The following FGF18 variants were observed in gnomAD, a reference collection of about 807,000 sequenced individuals.
FGF18 encodes fibroblast growth factor 18.
A neutral mutation model predicts 23.0 loss-of-function variants in FGF18; 5 were observed. The observed-to-expected ratio is 0.22, with a 90% CI of 0.11 to 0.46. FGF18 has a LOEUF of 0.46. FGF18 is among the 20% of genes least tolerant of loss of function. The pLI, the probability that FGF18 is intolerant of heterozygous loss-of-function variation, is 0.99. For missense variants in FGF18, 180 were observed against 291.6 expected, an observed-to-expected ratio of 0.62 and a Z score of 2.79; for synonymous variants, 117 against 118.9, an observed-to-expected ratio of 0.98 and a Z score of 0.10.
At chr5:171,452,193 G>A (rs543826246) in intron 4 of FGF18, among the ~76,000 whole-genome samples, 159 of 152,238 alleles carry the variant, frequency 1.0e-3, no homozygotes, top group Non-Finnish European at 2.1e-3. Flanking sequence ...CTGTAAAATG[G>A]GAATGATAAT....
intron 4 of FGF18, among the ~76,000 whole-genome samples, chr5:171,454,274 G>C (rs999993779): frequency 4.6e-5 from 7 of 152,170 alleles, no homozygotes; most frequent in African/African-American, 1.4e-4. Context: ...GCAGTGGCAG[G>C]TATTCTAGGA....
At chr5:171,443,500 C>CCTTTT (rs766926286) in intron 3 of FGF18, among the ~76,000 whole-genome samples, 3 of 70,414 alleles carry the variant, frequency 4.3e-5, no homozygotes, top group Non-Finnish European at 8.8e-5. Context: ...CTGTTATCAT[C>CCTTTT]ATTTTTTTTT....
intron 1 of FGF18, 81 bp downstream of exon 1, chr5:171,420,312 C>A: frequency 6.2e-7 from 1 of 1,607,134 alleles, no homozygotes; most frequent in Non-Finnish European, 8.5e-7. Flanking sequence ...GTCTGCCCGC[C>A]CGTCGGTTCA....
intron 3 of FGF18, among the ~76,000 whole-genome samples, chr5:171,444,440 T>C (rs937597406): frequency 6.6e-6 from 1 of 152,170 alleles, no homozygotes; most frequent in African/African-American, 2.4e-5. Context: ...TTAAATGAGA[T>C]AATGCATGTA....
At position 171,421,586 on chromosome 5, in the gene FGF18, C is replaced by T. The variant is rs1361850014; in HGVS notation, c.69+1143C>T. 2.6e-5 allele frequency among the ~76,000 whole-genome samples: 4 copies of T among 152,184 alleles called. No homozygotes were observed. In the South Asian group the frequency reaches 8.3e-4, roughly 31 times the overall value. ...TGGTGGTTCTCCCGGTTTTCTGGCT[C>T]AAGGAGTGTTGTGTGCCTTGAGCAC... On this transcript the variant is annotated intron_variant, in intron 2 of 4. Transcript: ENST00000274625.
intron 2 of FGF18, among the ~76,000 whole-genome samples, chr5:171,421,331 G>A (rs1459789545): frequency 2.0e-5 from 3 of 152,196 alleles, no homozygotes; most frequent in Non-Finnish European, 2.9e-5. Context: ...GCATGGTGGG[G>A]GTCGGGGGGC....
At position 171,443,500 on chromosome 5, in the gene FGF18, CA is replaced by C. The variant is rs370810592; in HGVS notation, c.251-5646del. Among the ~76,000 whole-genome samples, 87 of 70,452 alleles carry C rather than the reference CA, an allele frequency of 1.2e-3. 2 individuals are homozygous for C. The highest frequency in any genetic ancestry group is 3.5e-3 in the South Asian group (6 of 1,724). The allele number at this position is 70,452 out of a possible 152,430, so 46.2% of individuals were successfully genotyped here. On this transcript the variant is annotated intron_variant, in intron 3 of 4. Transcript: ENST00000274625. ...TCAGATAAGTATTCACTGTTATCAT[CA>C]TTTTTTTTTTTTTTTTTTTTTTTTT...
chr5:171,421,248 G>C (rs889879202), intron 2 of FGF18, among the ~76,000 whole-genome samples: 10 of 152,194 alleles, frequency 6.6e-5, no homozygotes, highest in Admixed American at 5.9e-4. Context: ...AAAAGGGTTG[G>C]GGGGAGGGAG....
chr5:171,440,895 C>CT lies in FGF18; in HGVS notation c.250+4623dup, dbSNP rs892021935. Reference sequence around the variant, plus strand: ...GCGGTGGAACCATCTGTTGACGTGGCTGGTGCCCCTGCGAGAGTGTGAGCT... The same window carrying CT: ...GCGGTGGAACCATCTGTTGACGTGGCTTGGTGCCCCTGCGAGAGTGTGAGCT... On this transcript the variant is annotated intron_variant, in intron 3 of 4. Transcript: ENST00000274625. This position sits in a 1 kb window ranked among gnomAD's most constrained non-coding sequence, Gnocchi z 4.0. 2.6e-5 allele frequency among the ~76,000 whole-genome samples: 4 copies of CT among 152,336 alleles called. No individual in the cohort carries two copies. The highest frequency in any genetic ancestry group is 4.4e-5 in the Non-Finnish European group (3 of 68,028).
rs11948035 is a variant in FGF18, at chr5:171,433,413, C to T, written c.70-2680C>T. On this transcript the variant is annotated intron_variant, in intron 2 of 4. Coordinates refer to ENST00000274625, the MANE Select transcript of FGF18 (RefSeq NM_003862.3). ...GGAGAGTAGAAGGACAGGGAGGGGA[C>T]GCCAGAGGCCTGCCCTTGGGGGAGG... Among the ~76,000 whole-genome samples, 744 of 152,134 alleles carry T rather than the reference C, an allele frequency of 4.9e-3. 6 individuals are homozygous for T. Among genetic ancestry groups the T allele is most frequent in the African/African-American group, 0.017 (686 of 41,492 alleles).
intron 2 of FGF18, among the ~76,000 whole-genome samples, chr5:171,433,073 A>G (rs1229320310): frequency 2.0e-5 from 3 of 152,142 alleles, no homozygotes; most frequent in Non-Finnish European, 4.4e-5. Context: ...CTGCCTTTCC[A>G]GGAGAACAGA....
At position 171,456,390 on chromosome 5, in the gene FGF18, A is replaced by T; in HGVS notation, c.358-149A>T. The T allele has an allele frequency of 5.5e-6, 4 of 729,234 alleles. No individual in the cohort carries two copies. The highest frequency in any genetic ancestry group is 6.7e-6 in the Non-Finnish European group (3 of 448,580). The allele number at this position is 729,234 out of a possible 1,614,324, so 45.2% of individuals were successfully genotyped here. Reference sequence around the variant, plus strand: ...ACCTGCCTGTGCCATATTCAGAGTTAAGCTCAATCTCTCTCCCCCACTGCA... The same window carrying T: ...ACCTGCCTGTGCCATATTCAGAGTTTAGCTCAATCTCTCTCCCCCACTGCA... On this transcript the variant is annotated intron_variant, in intron 4 of 4. Transcript: ENST00000274625. This position sits in a 1 kb window ranked among gnomAD's most constrained non-coding sequence, Gnocchi z 6.1.
At chr5:171,425,472 C>G (rs530644056) in intron 2 of FGF18, among the ~76,000 whole-genome samples, 10 of 150,510 alleles carry the variant, frequency 6.6e-5, no homozygotes, top group African/African-American at 1.7e-4. Context: ...CCACCCGCCT[C>G]GGACTCCCAA....
intron 2 of FGF18, among the ~76,000 whole-genome samples, chr5:171,427,840 C>T (rs1427587710): frequency 2.0e-5 from 3 of 152,182 alleles, no homozygotes; most frequent in African/African-American, 4.8e-5. Context: ...AATCGCATAG[C>T]GCTTGGCCAC....
At chr5:171,425,233 T>C (rs1772072633) in intron 2 of FGF18, among the ~76,000 whole-genome samples, 1 of 152,242 alleles carries the variant, frequency 6.6e-6, no homozygotes, top group South Asian at 2.1e-4. Flanking sequence ...ACTCACTACA[T>C]GCCAAGTGCT....
At chr5:171,432,650 G>C (rs1464660180) in intron 2 of FGF18, among the ~76,000 whole-genome samples, 2 of 152,138 alleles carry the variant, frequency 1.3e-5, no homozygotes, top group African/African-American at 4.8e-5. Flanking sequence ...AGCTGGTCTT[G>C]AACTCCTGGC....
chr5:171,449,400 TGAGAGAGA>T (rs112415649), intron 4 of FGF18, 147 bp downstream of exon 4: 90 of 363,202 alleles, frequency 2.5e-4, no homozygotes, highest in African/African-American at 3.6e-4. Context: ...TGTGTGTGTG[TGAGAGAGA>T]GAGAGAGAGA....
chr5:171,438,560 C>T (rs375005099), intron 3 of FGF18, among the ~76,000 whole-genome samples: 14 of 152,162 alleles, frequency 9.2e-5, no homozygotes, highest in Non-Finnish European at 1.9e-4. Flanking sequence ...GGGGACTAGG[C>T]CTTCTTGGCT....
chr5:171,431,111 G>A (rs1468811524), intron 2 of FGF18, among the ~76,000 whole-genome samples: 1 of 152,160 alleles, frequency 6.6e-6, no homozygotes, highest in Non-Finnish European at 1.5e-5. Flanking sequence ...TGAGTGGGCT[G>A]GAGAGGCTAA....
Sources: gnomAD v4.1 joint callset for allele counts (sites outside exome capture counted in the v4.1 genomes callset) on GRCh38, gnomAD v4.1.1 for gene constraint, Gnocchi (gnomAD v3.1) non-coding constraint, MANE v1.5 for transcripts, NCBI Gene and HGNC (gene_info 2026-07-23, HGNC 2026-07-21) for gene names.